The following TIAM2 variants were observed in gnomAD, a reference collection of about 807,000 sequenced individuals.
The protein encoded by TIAM2 is rho guanine nucleotide exchange factor TIAM2.
TIAM2 carries 80 observed loss-of-function variants against 152.9 expected under a neutral mutation model. The observed-to-expected ratio is 0.52, with a 90% confidence interval of 0.44 to 0.63. The LOEUF is 0.63. Among genes scored for constraint, TIAM2 ranks in the 30% least tolerant of loss-of-function variants. The pLI, the probability that TIAM2 is intolerant of heterozygous loss-of-function variation, is 0.00. For synonymous variants in TIAM2, 804 were observed against 838.0 expected, an observed-to-expected ratio of 0.96 and a Z score of 0.70; for missense variants, 1,965 against 2,120.1, an observed-to-expected ratio of 0.93 and a Z score of 1.44.
Position 155,189,231 on chromosome 6 carries a change from G to A in TIAM2, c.3064+5731G>A, listed in dbSNP as rs570334289. Reference sequence around the variant, plus strand: ...CATAGCCTGTTTAGGATGACTAACAGCATTTAGCTCAGAGAATGCTCTGTT... The same window carrying A: ...CATAGCCTGTTTAGGATGACTAACAACATTTAGCTCAGAGAATGCTCTGTT... On this transcript the variant is annotated intron_variant, in intron 14 of 26. Coordinates refer to ENST00000682666, the MANE Select transcript of TIAM2 (RefSeq NM_012454.4). 5.9e-5 allele frequency among the ~76,000 whole-genome samples: 9 copies of A among 152,286 alleles called. No homozygotes were observed. In the South Asian group the frequency reaches 1.9e-3, roughly 32 times the overall value.
At chr6:155,110,318 C>CTTTTTTTTTTTTT (rs67332964) in intron 2 of TIAM2, among the ~76,000 whole-genome samples, 32 of 133,758 alleles carry the variant, frequency 2.4e-4, no homozygotes, top group African/African-American at 4.4e-4. Flanking sequence ...TCTTTCTTTT[C>CTTTTTTTTTTTTT]TTTTTTTTTT....
In TIAM2 at chr6:155,211,193, T is replaced by C; in HGVS notation, c.3065-11T>C. 6.2e-7 allele frequency: 1 copy of C among 1,611,712 alleles called. No homozygotes were observed. Among genetic ancestry groups the C allele is most frequent in the Non-Finnish European group, 8.5e-7 (1 of 1,178,220 alleles). ...CCAAACTCATATATGTTTTTGTCAT[T>C]TTTTATGCAGATTTCAGCAACGTCC... On this transcript the variant is annotated splice_polypyrimidine_tract_variant and intron_variant, in intron 14 of 26. Transcript: ENST00000682666.
At chr6:155,240,848 A>G in intron 16 of TIAM2, 139 bp downstream of exon 16, 1 of 867,510 alleles carries the variant, frequency 1.2e-6, no homozygotes, top group Non-Finnish European at 1.7e-6. Context: ...GAATCAGTGA[A>G]TTGCTCAAGG....
chr6:155,020,263 G>A (rs1340548444), intron 1 of TIAM2, among the ~76,000 whole-genome samples: 5 of 152,158 alleles, frequency 3.3e-5, no homozygotes, highest in East Asian at 1.9e-4. Flanking sequence ...TTAGATCCAC[G>A]TCACAGAGTG....
intron 1 of TIAM2, among the ~76,000 whole-genome samples, chr6:155,045,574 G>A (rs1777156693): frequency 6.6e-6 from 1 of 152,062 alleles, no homozygotes; most frequent in Non-Finnish European, 1.5e-5. Context: ...GTGATTTTAG[G>A]TGGTTGGTTT....
chr6:155,250,181 T>G (rs1393334336), intron 21 of TIAM2, among the ~76,000 whole-genome samples: 1 of 152,174 alleles, frequency 6.6e-6, no homozygotes, highest in East Asian at 1.9e-4. Flanking sequence ...TTATGTCACG[T>G]TCACATTGTC....
chr6:155,173,830 G>A (rs1780697314), intron 9 of TIAM2, among the ~76,000 whole-genome samples: 1 of 152,248 alleles, frequency 6.6e-6, no homozygotes. Context: ...ATCTAAGTGA[G>A]AGGACTTGAG....
chr6:155,007,391 T>A (rs1778419873), intron 1 of TIAM2, among the ~76,000 whole-genome samples: 1 of 147,244 alleles, frequency 6.8e-6, no homozygotes, highest in Non-Finnish European at 1.5e-5. Context: ...CTTTCTTTCT[T>A]TTTTTTTTTT....
chr6:155,200,494 T>C (rs932036444), intron 14 of TIAM2, among the ~76,000 whole-genome samples: 2 of 152,228 alleles, frequency 1.3e-5, no homozygotes, highest in African/African-American at 4.8e-5. Context: ...CAATTTACCT[T>C]TTACAGTGTA....
intron 12 of TIAM2, 72 bp downstream of exon 12, chr6:155,179,528 G>T: frequency 7.0e-7 from 1 of 1,423,500 alleles, no homozygotes; most frequent in East Asian, 2.4e-5. Flanking sequence ...AGCATCTTTG[G>T]ACTTAATTTT....
At chr6:155,250,685 G>C in intron 21 of TIAM2, 1 of 1,433,622 alleles carries the variant, frequency 7.0e-7, no homozygotes, top group Non-Finnish European at 9.5e-7. Flanking sequence ...ACATGTGCGT[G>C]CACTGGAGCA....
In TIAM2 at chr6:155,245,664, G is replaced by T; in HGVS notation, c.3585G>T (p.Ala1195=). 7 of 1,613,682 alleles carry T rather than the reference G, an allele frequency of 4.3e-6. No individual in the cohort carries two copies. The highest frequency in any genetic ancestry group is 5.1e-6 in the Non-Finnish European group (6 of 1,179,902). ...FSLGGSFLYY[A]DHFKLYSGFC... is the part of the protein sequence containing the mutation. Reference sequence around the variant, plus strand: ...TTGGAGGCTCTTTCCTTTATTACGCGGACCACTTTAAACTGTACAGTGGAT... The same window carrying T: ...TTGGAGGCTCTTTCCTTTATTACGCTGACCACTTTAAACTGTACAGTGGAT... Residue 1195 remains alanine, a synonymous_variant, in exon 19 of 27, where the codon GCG becomes GCT. Coordinates refer to ENST00000682666, the MANE Select transcript of TIAM2 (RefSeq NM_012454.4).
rs150626245 is a variant in TIAM2 at position 155,042,612 on chromosome 6, A to G, written c.-209+47120A>G. On this transcript the variant is annotated intron_variant, in intron 1 of 26. Transcript: ENST00000682666. ...ACTCTGTCTCAAATAAATAATAGCAAGCAGGATCCATTGGTCAATCCATTC... is the reference window on the plus strand; with the variant it reads ...ACTCTGTCTCAAATAAATAATAGCAGGCAGGATCCATTGGTCAATCCATTC... Among the ~76,000 whole-genome samples, 430 of 152,282 alleles carry G rather than the reference A, an allele frequency of 2.8e-3. 3 individuals are homozygous for G. The highest frequency in any genetic ancestry group is 9.6e-3 in the African/African-American group (401 of 41,556).
chr6:155,249,833 T>A lies in TIAM2; in HGVS notation c.3833-18T>A. The A allele has an allele frequency of 6.3e-7, 1 of 1,583,402 alleles. No individual in the cohort carries two copies. The highest frequency in any genetic ancestry group is 8.6e-7 in the Non-Finnish European group (1 of 1,157,218). The stretch of plus-strand genomic sequence containing the variant: ...ACAAATAACAGTTATGAAATAAATA[T>A]GATTTCATATCTTGCAGAAGCACTA... On this transcript the variant is annotated intron_variant, in intron 20 of 26. Transcript: ENST00000682666.
intron 1 of TIAM2, among the ~76,000 whole-genome samples, chr6:155,083,366 A>AG (rs1173751173): frequency 6.7e-6 from 1 of 149,958 alleles, no homozygotes; most frequent in African/African-American, 2.5e-5. Flanking sequence ...AAAAAAAAAA[A>AG]AAGAGAGAGA....
chr6:155,187,573 C>CAGGTGTTTT, intron 14 of TIAM2, among the ~76,000 whole-genome samples: 1 of 49,622 alleles, frequency 2.0e-5, no homozygotes, highest in South Asian at 9.5e-4. Context: ...ACCCCGCCCC[C>CAGGTGTTTT]TTTTTTTTTT....
rs1486311045 is a variant in TIAM2 at position 155,245,744 on chromosome 6, T to C, written c.3652+13T>C. Reference sequence around the variant, plus strand: ...GTTCTGGAGCGAGGTAAGTTGCTTATGCCTTTTATAGTTTTTTTTTTTTTT... The same window carrying C: ...GTTCTGGAGCGAGGTAAGTTGCTTACGCCTTTTATAGTTTTTTTTTTTTTT... On this transcript the variant is annotated intron_variant, in intron 19 of 26. Coordinates refer to ENST00000682666, the MANE Select transcript of TIAM2 (RefSeq NM_012454.4). 9 of 1,475,992 alleles carry C rather than the reference T, an allele frequency of 6.1e-6. No individual in the cohort carries two copies. The East Asian group carries it at 1.2e-4, about 19-fold the overall frequency. 91.4% of individuals were successfully genotyped at this position (1,475,992 alleles called of 1,614,324 possible).
chr6:155,048,529 G>A lies in TIAM2; in HGVS notation c.-208-41760G>A, dbSNP rs552965563. Reference sequence around the variant, plus strand: ...TGCAAGGACAAGTGTGGCCGTGGAAGGAAGAGGACAGAGCAAGAGAAGGGA... The same window carrying A: ...TGCAAGGACAAGTGTGGCCGTGGAAAGAAGAGGACAGAGCAAGAGAAGGGA... On this transcript the variant is annotated intron_variant, in intron 1 of 26. Transcript: ENST00000682666. 1.6e-4 allele frequency among the ~76,000 whole-genome samples: 24 copies of A among 151,040 alleles called. No individual in the cohort carries two copies. In the South Asian group the frequency reaches 5.1e-3, roughly 32 times the overall value.
At chr6:155,142,662 A>G (rs1375464570) in intron 5 of TIAM2, among the ~76,000 whole-genome samples, 1 of 152,238 alleles carries the variant, frequency 6.6e-6, no homozygotes, top group Non-Finnish European at 1.5e-5. Flanking sequence ...AGTGGCTGGA[A>G]AAAGATACTG....
Sources: gnomAD v4.1 joint callset for allele counts (sites outside exome capture counted in the v4.1 genomes callset) on GRCh38, gnomAD v4.1.1 for gene constraint, MANE v1.5 for transcripts, NCBI Gene and HGNC (gene_info 2026-07-23, HGNC 2026-07-21) for gene names.